The following DMTN variants were observed in gnomAD, a reference collection of about 807,000 sequenced individuals.
DMTN encodes the protein dematin.
In DMTN, 27 loss-of-function variants were observed where a neutral mutation model predicts 59.4. The observed-to-expected ratio is 0.45, with a 90% confidence interval of 0.33 to 0.63. The LOEUF is 0.63. Among genes scored for constraint, DMTN ranks in the 20% least tolerant of loss-of-function variants. The pLI, the probability that DMTN is intolerant of heterozygous loss-of-function variation, is 0.02. For synonymous variants in DMTN, 221 were observed against 203.7 expected (o/e 1.08, Z -0.72); for missense variants, 451 against 528.9 (o/e 0.85, Z 1.45).
In DMTN at chr8:22,070,186, C is replaced by T. The variant is rs766295458; in HGVS notation, c.456C>T (p.Ser152=). The T allele has an allele frequency of 2.1e-5, 33 of 1,588,512 alleles. No individual in the cohort carries two copies. The highest frequency in any genetic ancestry group is 4.5e-5 in the East Asian group (2 of 44,704). ...GACCCTGGCCTTTGTCTGCAGAGTCCGTGGGAGGCAGCCCTCAGACCAAGC... is the reference window on the plus strand; with the variant it reads ...GACCCTGGCCTTTGTCTGCAGAGTCTGTGGGAGGCAGCCCTCAGACCAAGC... ...KKPPIYKQRE[S]VGGSPQTKHL... Residue 152 remains serine (S), a synonymous_variant, in exon 8 of 16, where the codon TCC becomes TCT. Coordinates refer to ENST00000358242, the MANE Select transcript of DMTN (RefSeq NM_001387751.1).
Position 22,066,820 on chromosome 8 carries a change from CT to C in DMTN, c.-55del. On this transcript the variant is annotated 5_prime_UTR_variant, in exon 2 of 16. Coordinates refer to ENST00000358242, the MANE Select transcript of DMTN (RefSeq NM_001387751.1). ...GCCGCGCCGAGCCTGACACGCTGTC[CT>C]CTCCCCTCGCGCACAGGGCTCTGCG... 1 of 1,423,752 alleles carries C rather than the reference CT, an allele frequency of 7.0e-7. No homozygotes were observed. The highest frequency in any genetic ancestry group is 1.4e-5 in the South Asian group (1 of 73,218). The allele number at this position is 1,423,752 out of a possible 1,614,324, so 88.2% of individuals were successfully genotyped here.
intron 5 of DMTN, 147 bp downstream of exon 5, chr8:22,069,207 C>G (rs1813213081): frequency 9.7e-7 from 1 of 1,032,960 alleles, no homozygotes; most frequent in African/African-American, 1.6e-5. Context: ...AGCTCTGTGT[C>G]CATCATTCTG....
At chr8:22,067,784 C>A in intron 4 of DMTN, 102 bp downstream of exon 4, 1 of 1,404,310 alleles carries the variant, frequency 7.1e-7, no homozygotes, top group Non-Finnish European at 9.6e-7. Context: ...AGGTCTGCCT[C>A]GGCAAAACAA....
intron 2 of DMTN, 26 bp downstream of exon 2, chr8:22,066,919 G>A: frequency 8.1e-7 from 1 of 1,240,488 alleles, no homozygotes; most frequent in Non-Finnish European, 1.0e-6. Context: ...CCGGGCCGGG[G>A]CCGCCGAGGG....
chr8:22,070,142 G>C, intron 7 of DMTN, 40 bp from the exon 8 acceptor site: 1 of 1,559,168 alleles, frequency 6.4e-7, no homozygotes, highest in East Asian at 2.3e-5. Context: ...AGTTGGCCTC[G>C]GGCAGGGCAC....
chr8:22,079,382 T>C (rs558976413), intron 10 of DMTN, among the ~76,000 whole-genome samples: 2 of 144,274 alleles, frequency 1.4e-5, no homozygotes, highest in African/African-American at 2.5e-5. Flanking sequence ...GCCTGGGAGG[T>C]TGAGGCTACA....
rs1491457012 is a variant in DMTN, at chr8:22,079,301, TTA to T, written c.836-878_836-877del. ...AAATATATATATATATATATATATA[TTA>T]GCTGGGTTTGATGGCGCATGCCCCT... is the stretch of plus-strand genomic sequence containing the variant. On this transcript the variant is annotated intron_variant, in intron 10 of 15. Coordinates refer to ENST00000358242, the MANE Select transcript of DMTN (RefSeq NM_001387751.1). 8.0e-4 allele frequency among the ~76,000 whole-genome samples: 68 copies of T among 84,920 alleles called. 1 individual carries two copies. The highest frequency in any genetic ancestry group is 2.5e-3 in the Admixed American group (15 of 6,036). 55.7% of individuals were successfully genotyped at this position (84,920 alleles called of 152,430 possible).
intron 8 of DMTN, among the ~76,000 whole-genome samples, chr8:22,071,802 G>A (rs982322875): frequency 4.6e-5 from 7 of 151,430 alleles, no homozygotes; most frequent in South Asian, 2.1e-4. Flanking sequence ...GGATTGTCTC[G>A]ATCTCCTGAC....
Position 22,073,855 on chromosome 8 carries a change from C to T in DMTN, c.835+20C>T, listed in dbSNP as rs986789082. 2.5e-6 allele frequency: 4 copies of T among 1,602,844 alleles called. No individual in the cohort carries two copies. The highest frequency in any genetic ancestry group is 1.1e-5 in the South Asian group (1 of 90,786). On this transcript the variant is annotated intron_variant, in intron 10 of 15. Transcript: ENST00000358242. ...ATACCTGTGAGTGCTGTGGAGGGGG[C>T]TCAGAGTCACCTGGCCAGAGATGGA...
rs1469381819 is a variant in DMTN at position 22,080,882 on chromosome 8, G to A, written c.1023+12G>A. The stretch of plus-strand genomic sequence containing the variant: ...TGCTGGAGCAGAAGGTGAGGGGCAG[G>A]GGACACAAGCGCCTGTAGCGGGGCG... On this transcript the variant is annotated intron_variant, in intron 14 of 15. Transcript: ENST00000358242. The A allele has an allele frequency of 1.9e-6, 3 of 1,557,412 alleles. No individual in the cohort carries two copies. Among genetic ancestry groups the A allele is most frequent in the African/African-American group, 2.7e-5 (2 of 73,634 alleles).
upstream of DMTN, among the ~76,000 whole-genome samples, chr8:22,053,092 G>C (rs1013219065): frequency 6.6e-6 from 1 of 152,150 alleles, no homozygotes; most frequent in Non-Finnish European, 1.5e-5. Flanking sequence ...GAGGAAAAAC[G>C]GGCACGAGAA....
intron 6 of DMTN, 105 bp downstream of exon 6, chr8:22,069,623 C>G (rs970376818): frequency 2.8e-6 from 3 of 1,062,166 alleles, no homozygotes; most frequent in Admixed American, 2.7e-5. Context: ...ATGCTCGCCT[C>G]AGGGCTAAGT....
At chr8:22,074,232 T>C (rs1818023396) in intron 10 of DMTN, among the ~76,000 whole-genome samples, 1 of 151,782 alleles carries the variant, frequency 6.6e-6, no homozygotes, top group Admixed American at 6.6e-5. Context: ...CAACAGGGCC[T>C]GGGAGGCCAA....
At chr8:22,067,878 T>G (rs1812096955) in intron 4 of DMTN, among the ~76,000 whole-genome samples, 196 bp downstream of exon 4, 1 of 152,202 alleles carries the variant, frequency 6.6e-6, no homozygotes, top group Admixed American at 6.5e-5. Context: ...GGCTGGCATG[T>G]GGCTCAGATG....
At chr8:22,068,791 C>G (rs1156564822) in intron 4 of DMTN, among the ~76,000 whole-genome samples, 2 of 151,910 alleles carry the variant, frequency 1.3e-5, no homozygotes, top group African/African-American at 4.8e-5. Context: ...CCTTGGAGCC[C>G]CAGGAGTACT....
At chr8:22,059,400 TGCCTGTGTGGCCCGGA>T (rs1179519990) in intron 1 of DMTN, 1 of 152,278 alleles carries the variant, frequency 6.6e-6, no homozygotes, top group Non-Finnish European at 1.5e-5. Context: ...TGGACCCTGC[TGCCTGTGTGGCCCGGA>T]GCCAGAGGCC....
At chr8:22,061,282 C>CAAAA (rs533576492) in intron 1 of DMTN, among the ~76,000 whole-genome samples, 2 of 66,452 alleles carry the variant, frequency 3.0e-5, no homozygotes, top group African/African-American at 5.2e-5. Flanking sequence ...GACCCTGTCT[C>CAAAA]AAAAAAAAAA....
At chr8:22,070,497 T>A in intron 8 of DMTN, 163 bp downstream of exon 8, 1 of 787,462 alleles carries the variant, frequency 1.3e-6, no homozygotes, top group Non-Finnish European at 1.9e-6. Flanking sequence ...GCTCACTCAC[T>A]CTCTGTGTTC....
intron 9 of DMTN, among the ~76,000 whole-genome samples, chr8:22,072,674 C>T (rs943056498): frequency 7.6e-6 from 1 of 132,026 alleles, no homozygotes; most frequent in African/African-American, 2.8e-5. Context: ...AAGGTTTTGC[C>T]GTGTTGGCCA....
Sources: gnomAD v4.1 joint callset for allele counts (sites outside exome capture counted in the v4.1 genomes callset) on GRCh38, gnomAD v4.1.1 for gene constraint, MANE v1.5 for transcripts, NCBI Gene and HGNC (gene_info 2026-07-23, HGNC 2026-07-21) for gene names.